Variants in KLHDC10 observed in about 807,000 individuals in gnomAD.
KLHDC10 encodes kelch domain-containing protein 10.
Under a neutral mutation model 56.1 loss-of-function variants are expected in KLHDC10, and 24 were observed. The observed-to-expected ratio is 0.43, with a 90% CI of 0.31 to 0.60. The LOEUF (loss-of-function observed/expected upper bound fraction) is 0.60. KLHDC10 is among the 20% of genes least tolerant of loss of function. KLHDC10 has a pLI of 0.11. For missense variants in KLHDC10, 349 were observed against 567.0 expected (o/e 0.62, Z 3.91); for synonymous variants, 188 against 207.1 (o/e 0.91, Z 0.79).
At chr7:130,084,308 CAG>C (rs1350438508) in intron 1 of KLHDC10, among the ~76,000 whole-genome samples, 1 of 152,184 alleles carries the variant, frequency 6.6e-6, no homozygotes, top group African/African-American at 2.4e-5. Flanking sequence ...CACGGTAACA[CAG>C]ATGCATGGAG....
chr7:130,094,231 TG>T (rs1437662573), intron 1 of KLHDC10, among the ~76,000 whole-genome samples: 4 of 152,152 alleles, frequency 2.6e-5, no homozygotes, highest in Non-Finnish European at 4.4e-5. Context: ...AGGCCCAGTT[TG>T]GTAATTTTTA....
Position 130,103,926 on chromosome 7 carries a change from A to G in KLHDC10, c.253+6919A>G, listed in dbSNP as rs187282065. On this transcript the variant is annotated intron_variant, in intron 2 of 9. Transcript: ENST00000335420. ...AACATGATGAAATCCCCCCTCTACTAAAAATACAAAAATTAGCCGGGCATG... is the reference window on the plus strand; with the variant it reads ...AACATGATGAAATCCCCCCTCTACTGAAAATACAAAAATTAGCCGGGCATG... Among the ~76,000 whole-genome samples, 21 of 152,074 alleles carry G rather than the reference A, an allele frequency of 1.4e-4. No homozygotes were observed. In the East Asian group the frequency reaches 1.5e-3, roughly 11 times the overall value.
chr7:130,088,186 G>C (rs1227264992), intron 1 of KLHDC10, among the ~76,000 whole-genome samples: 1 of 152,100 alleles, frequency 6.6e-6, no homozygotes. Flanking sequence ...CCTTCAGTCA[G>C]CTCTAGGTAT....
At chr7:130,103,993 C>T (rs1281139065) in intron 2 of KLHDC10, among the ~76,000 whole-genome samples, 1 of 151,988 alleles carries the variant, frequency 6.6e-6, no homozygotes, top group Non-Finnish European at 1.5e-5. Context: ...GAGGCGGAGG[C>T]AGGAGAATCG....
intron 2 of KLHDC10, among the ~76,000 whole-genome samples, chr7:130,110,716 A>G (rs1052421302): frequency 1.3e-5 from 2 of 152,236 alleles, no homozygotes; most frequent in African/African-American, 4.8e-5. Context: ...TTTGGAAAGA[A>G]GTAACCAGTT....
chr7:130,105,361 C>T (rs987292631), intron 2 of KLHDC10, among the ~76,000 whole-genome samples: 11 of 152,214 alleles, frequency 7.2e-5, no homozygotes, highest in African/African-American at 2.4e-4. Flanking sequence ...TGCCTCTTCA[C>T]GCAACTTAGA....
intron 1 of KLHDC10, among the ~76,000 whole-genome samples, chr7:130,074,619 C>CTTTTT (rs577941524): frequency 7.2e-6 from 1 of 139,320 alleles, no homozygotes. Flanking sequence ...GGTTCTCTCT[C>CTTTTT]TTTTTTTTTT....
intron 7 of KLHDC10, among the ~76,000 whole-genome samples, chr7:130,126,495 G>A (rs1009634953): frequency 6.6e-6 from 1 of 151,392 alleles, no homozygotes; most frequent in African/African-American, 2.4e-5. Context: ...GGCCAACATG[G>A]TGAAACCCCA....
intron 1 of KLHDC10, among the ~76,000 whole-genome samples, chr7:130,091,939 CCTT>C (rs1408408006): frequency 6.6e-6 from 1 of 152,196 alleles, no homozygotes; most frequent in African/African-American, 2.4e-5. Flanking sequence ...ATTTCACTCT[CCTT>C]CTTAAGCAAG....
intron 2 of KLHDC10, among the ~76,000 whole-genome samples, chr7:130,107,324 G>A (rs1796021881): frequency 6.6e-6 from 1 of 152,156 alleles, no homozygotes; most frequent in Non-Finnish European, 1.5e-5. Flanking sequence ...ATTAATAACA[G>A]ATGATCTGAT....
rs1796162959 is a variant in KLHDC10, at chr7:130,116,019, A to G, written c.254-426A>G. ...ATGACTCATTCATATTCGTGATTAT[A>G]TTTATTTAGTTCTCTAATATTCACA... On this transcript the variant is annotated intron_variant, in intron 2 of 9. Transcript: ENST00000335420. The surrounding 1 kb of genome is among the most constrained non-coding windows in gnomAD (Gnocchi z 4.8). Among the ~76,000 whole-genome samples, 1 of 152,120 alleles carries G rather than the reference A, an allele frequency of 6.6e-6. No individual in the cohort carries two copies. Among genetic ancestry groups the G allele is most frequent in the South Asian group, 2.1e-4 (1 of 4,834 alleles).
In KLHDC10 at chr7:130,132,413, G is replaced by C. The variant is rs988997487; in HGVS notation, c.*1667G>C. The C allele has an allele frequency of 2.0e-5, 3 of 152,198 alleles. No homozygotes were observed. The highest frequency in any genetic ancestry group is 7.2e-5 in the African/African-American group (3 of 41,452). The allele number at this position is 152,198 out of a possible 1,614,324, so 9.4% of individuals were successfully genotyped here. A position where few individuals can be genotyped will look rare whatever the true frequency, so the allele number is the denominator to read the frequency against. The stretch of plus-strand genomic sequence containing the variant: ...GCTACCATCTGGTGTTCAGTTCTGG[G>C]AAAGAGAAAACCGTAGCCTCCAGAC... On this transcript the variant is annotated 3_prime_UTR_variant, in exon 10 of 10. Coordinates refer to ENST00000335420, the MANE Select transcript of KLHDC10 (RefSeq NM_014997.4).
chr7:130,079,000 T>C (rs1354920442), intron 1 of KLHDC10, among the ~76,000 whole-genome samples: 1 of 152,206 alleles, frequency 6.6e-6, no homozygotes, highest in African/African-American at 2.4e-5. Context: ...ACATATTTTA[T>C]CATGTTAAAG....
At chr7:130,084,780 A>G (rs952089381) in intron 1 of KLHDC10, among the ~76,000 whole-genome samples, 8 of 152,042 alleles carry the variant, frequency 5.3e-5, no homozygotes, top group African/African-American at 1.2e-4. Flanking sequence ...CTGAAAAAAA[A>G]AAAAAAAGAC....
At chr7:130,074,619 CTTTT>C (rs577941524) in intron 1 of KLHDC10, among the ~76,000 whole-genome samples, 2 of 139,296 alleles carry the variant, frequency 1.4e-5, no homozygotes, top group Admixed American at 7.3e-5. Context: ...GGTTCTCTCT[CTTTT>C]TTTTTTTTTT....
chr7:130,117,905 C>G (rs1479900022), intron 3 of KLHDC10, among the ~76,000 whole-genome samples: 2 of 150,120 alleles, frequency 1.3e-5, no homozygotes, highest in East Asian at 3.9e-4. Flanking sequence ...TGGCTCACAC[C>G]TGTAATCCCA....
chr7:130,105,209 G>A (rs1795992011), intron 2 of KLHDC10, among the ~76,000 whole-genome samples: 1 of 152,106 alleles, frequency 6.6e-6, no homozygotes, highest in South Asian at 2.1e-4. Context: ...ACCAAACGAA[G>A]GTGAAGATTT....
rs994188805 is a variant in KLHDC10, at chr7:130,131,987, A to C, written c.*1241A>C. On this transcript the variant is annotated 3_prime_UTR_variant, in exon 10 of 10. Coordinates refer to ENST00000335420, the MANE Select transcript of KLHDC10 (RefSeq NM_014997.4). ...CTGAAGAACCAAGTATCATTTAAAA[A>C]CTAGCATGAGGAAGGAATGAAACTG... is the stretch of plus-strand genomic sequence containing the variant. The C allele has an allele frequency of 2.0e-5, 3 of 151,912 alleles. No homozygotes were observed. Among genetic ancestry groups the C allele is most frequent in the South Asian group, 4.2e-4 (2 of 4,766 alleles). 9.4% of individuals were successfully genotyped at this position (151,912 alleles called of 1,614,324 possible). A position where few individuals can be genotyped will look rare whatever the true frequency, so the allele number is the denominator to read the frequency against.
chr7:130,092,667 T>C (rs1398912239), intron 1 of KLHDC10, among the ~76,000 whole-genome samples: 2 of 152,208 alleles, frequency 1.3e-5, no homozygotes, highest in African/African-American at 4.8e-5. Context: ...TTTGTTGTTT[T>C]TGCCACTGTT....
Sources: gnomAD v4.1 joint callset for allele counts (sites outside exome capture counted in the v4.1 genomes callset) on GRCh38, gnomAD v4.1.1 for gene constraint, Gnocchi (gnomAD v3.1) non-coding constraint, MANE v1.5 for transcripts, NCBI Gene and HGNC (gene_info 2026-07-23, HGNC 2026-07-21) for gene names.